PDGFRA: variants seen among roughly 807,000 people sequenced by gnomAD.
PDGFRA encodes platelet derived growth factor receptor alpha.
PDGFRA carries 25 observed loss-of-function variants against 121.5 expected under a neutral mutation model. The ratio of observed to expected loss-of-function variants is 0.21; its 90% CI spans 0.15 to 0.29. The LOEUF (loss-of-function observed/expected upper bound fraction) is 0.29, where lower values mean the gene tolerates loss of function less well. PDGFRA is among the 10% of genes least tolerant of loss of function. The pLI, the probability that PDGFRA is intolerant of heterozygous loss-of-function variation, is 1.00. For missense variants in PDGFRA, 1,008 were observed against 1,345.1 expected, an observed-to-expected ratio of 0.75 and a Z score of 3.92; for synonymous variants, 463 against 494.8, an observed-to-expected ratio of 0.94 and a Z score of 0.85.
At chr4:54,264,786 A>C in intron 4 of PDGFRA, 133 bp from the exon 5 acceptor site, 2 of 820,590 alleles carry the variant, frequency 2.4e-6, no homozygotes, top group Admixed American at 4.8e-5. Context: ...GATTTTCCAA[A>C]TTTTATCTTG....
chr4:54,276,486 C>A (rs990648937), intron 12 of PDGFRA, among the ~76,000 whole-genome samples: 1 of 152,130 alleles, frequency 6.6e-6, no homozygotes, highest in Non-Finnish European at 1.5e-5. Flanking sequence ...GAGCTGCCCC[C>A]CAATTTCAAA....
intron 16 of PDGFRA, among the ~76,000 whole-genome samples, chr4:54,283,669 C>T (rs562657860): frequency 1.3e-5 from 2 of 152,350 alleles, no homozygotes; most frequent in South Asian, 4.1e-4. Context: ...AGTGGTTGCC[C>T]AGCAGCCCTC....
intron 1 of PDGFRA, among the ~76,000 whole-genome samples, chr4:54,248,324 A>G (rs909685468): frequency 5.3e-5 from 8 of 152,092 alleles, no homozygotes; most frequent in African/African-American, 1.4e-4. Flanking sequence ...TATACTACAA[A>G]GCTACAGTAA....
chr4:54,297,871 A>G lies in PDGFRA; in HGVS notation c.*2599A>G, dbSNP rs1577759751. ...GTACAAAATGGTCCTATTTTTGTGA[A>G]GAGGGACATAAGATAAAATGATGTT... On this transcript the variant is annotated 3_prime_UTR_variant, in exon 23 of 23. Transcript: ENST00000257290. The G allele has an allele frequency of 8.6e-6, 2 of 233,520 alleles. No homozygotes were observed. Among genetic ancestry groups the G allele is most frequent in the East Asian group, 1.2e-4 (2 of 16,514 alleles). The allele number at this position is 233,520 out of a possible 1,614,324, so 14.5% of individuals were successfully genotyped here.
chr4:54,261,099 G>A lies in PDGFRA; in HGVS notation c.54G>A (p.Leu18=), dbSNP rs1553902340. 6.2e-7 allele frequency: 1 copy of A among 1,614,098 alleles called. No homozygotes were observed. Among genetic ancestry groups the A allele is most frequent in the East Asian group, 2.2e-5 (1 of 44,884 alleles). The change falls in exon 3 of 23, where the codon CTG becomes CTA. Residue 18 remains leucine, a synonymous_variant. Transcript: ENST00000257290. ...FLVLGCLLTG[L]SLILCQLSLP... is the part of the protein sequence containing the mutation. Reference sequence around the variant, plus strand: ...AGAGCGTGCTTCCTTTTGCAGGGCTGAGCCTAATCCTCTGCCAGCTTTCAT... The same window carrying A: ...AGAGCGTGCTTCCTTTTGCAGGGCTAAGCCTAATCCTCTGCCAGCTTTCAT...
chr4:54,252,189 C>T (rs1399779593), intron 1 of PDGFRA, among the ~76,000 whole-genome samples: 1 of 152,132 alleles, frequency 6.6e-6, no homozygotes, highest in Non-Finnish European at 1.5e-5. Flanking sequence ...TATTCTAATT[C>T]TAGGCATGTA....
chr4:54,254,151 C>T (rs941205712), intron 1 of PDGFRA, among the ~76,000 whole-genome samples: 2 of 152,172 alleles, frequency 1.3e-5, no homozygotes, highest in Admixed American at 1.3e-4. Context: ...TTCCAGAAAG[C>T]CTCACTACAG....
At chr4:54,233,750 G>A (rs558345258) in intron 1 of PDGFRA, among the ~76,000 whole-genome samples, 2 of 152,328 alleles carry the variant, frequency 1.3e-5, no homozygotes, top group African/African-American at 4.8e-5. Context: ...GAGGAGGACG[G>A]GTCCCGTGCG....
chr4:54,253,523 T>C (rs1226521045), intron 1 of PDGFRA, among the ~76,000 whole-genome samples: 1 of 152,140 alleles, frequency 6.6e-6, no homozygotes, highest in Non-Finnish European at 1.5e-5. Flanking sequence ...TCTTTCTCAG[T>C]TTGTTTCTCT....
intron 22 of PDGFRA, among the ~76,000 whole-genome samples, chr4:54,294,256 C>T (rs1481659424): frequency 2.0e-5 from 3 of 151,780 alleles, no homozygotes; most frequent in African/African-American, 7.3e-5. Flanking sequence ...TCGGGGAAGG[C>T]TGGGCAGTGA....
intron 7 of PDGFRA, among the ~76,000 whole-genome samples, chr4:54,268,501 G>A (rs1723162707): frequency 6.6e-6 from 1 of 152,288 alleles, no homozygotes; most frequent in Admixed American, 6.5e-5. Flanking sequence ...CTATACTTTT[G>A]TCAGAAATCA....
intron 1 of PDGFRA, among the ~76,000 whole-genome samples, chr4:54,233,172 G>T (rs976033005): frequency 6.6e-6 from 1 of 151,202 alleles, no homozygotes; most frequent in Non-Finnish European, 1.5e-5. Flanking sequence ...GGTTCAGAGC[G>T]CGGCGCGCAG....
chr4:54,278,840 T>G (rs1300572962), intron 15 of PDGFRA: 2 of 498,250 alleles, frequency 4.0e-6, no homozygotes, highest in Non-Finnish European at 7.8e-6. Context: ...GATGCTTGAG[T>G]TCTGGAACCT....
rs1724865504 is a variant in PDGFRA at position 54,296,063 on chromosome 4, A to G, written c.*791A>G. The G allele has an allele frequency of 8.6e-6, 2 of 232,580 alleles. No homozygotes were observed. The highest frequency in any genetic ancestry group is 6.1e-5 in the East Asian group (1 of 16,304). 14.4% of individuals were successfully genotyped at this position (232,580 alleles called of 1,614,324 possible). A position where few individuals can be genotyped will look rare whatever the true frequency, so the allele number is the denominator to read the frequency against. On this transcript the variant is annotated 3_prime_UTR_variant, in exon 23 of 23. Transcript: ENST00000257290. ...ACAGTTTTTGACATTTATATTAAAT[A>G]ACATGTTTCTCTATAAAGTATGGTA...
intron 1 of PDGFRA, among the ~76,000 whole-genome samples, chr4:54,234,820 G>A (rs1194987306): frequency 1.3e-5 from 2 of 152,190 alleles, no homozygotes; most frequent in Non-Finnish European, 2.9e-5. Context: ...GCCATTAGGA[G>A]TCACACCCGT....
In PDGFRA at chr4:54,261,198, G is replaced by A. The variant is rs767894725; in HGVS notation, c.153G>A (p.Gly51=). ...LNSSFSLRCF[G]ESEVSWQYPM... ...CATCCTTTTCTCTGAGATGCTTTGG[G>A]GAGAGTGAAGTGAGCTGGCAGTACC... The change falls in exon 3 of 23, where the codon GGG becomes GGA. Residue 51 remains glycine, a synonymous_variant. Transcript: ENST00000257290. 3 of 1,614,136 alleles carry A rather than the reference G, an allele frequency of 1.9e-6. No homozygotes were observed. The highest frequency in any genetic ancestry group is 2.2e-5 in the South Asian group (2 of 91,086).
At chr4:54,267,767 GC>G (rs113435030) in intron 7 of PDGFRA, 26 bp downstream of exon 7, 13 of 1,600,936 alleles carry the variant, frequency 8.1e-6, no homozygotes, top group Admixed American at 1.7e-5. Context: ...GCCCAAGTAT[GC>G]CTTTTTTTAG....
chr4:54,258,684 A>T, intron 1 of PDGFRA, 73 bp from the exon 2 acceptor site: 1 of 924,322 alleles, frequency 1.1e-6, no homozygotes, highest in Non-Finnish European at 1.8e-6. Flanking sequence ...GTTGTGCAAA[A>T]CACAAAGAGA....
At chr4:54,255,810 T>C (rs1164075475) in intron 1 of PDGFRA, among the ~76,000 whole-genome samples, 2 of 150,144 alleles carry the variant, frequency 1.3e-5, no homozygotes, top group Admixed American at 6.7e-5. Context: ...CTTCCCTCCT[T>C]TTTTTTTTAA....
Sources: gnomAD v4.1 joint callset for allele counts (sites outside exome capture counted in the v4.1 genomes callset) on GRCh38, gnomAD v4.1.1 for gene constraint, MANE v1.5 for transcripts, NCBI Gene and HGNC (gene_info 2026-07-23, HGNC 2026-07-21) for gene names.